Variants in GABRB3 observed in about 807,000 individuals in gnomAD.
GABRB3 encodes the protein gamma-aminobutyric acid type A receptor subunit beta3, also known as gamma-aminobutyric acid receptor subunit beta-3.
In GABRB3, 14 loss-of-function variants were observed where a neutral mutation model predicts 52.1. The ratio of observed to expected loss-of-function variants is 0.27; its 90% confidence interval spans 0.18 to 0.42. The LOEUF is 0.42. Among genes scored for constraint, GABRB3 ranks in the 10% least tolerant of loss-of-function variants. The pLI is 1.00. For missense variants in GABRB3, 307 were observed against 609.1 expected (o/e 0.50, Z 5.22); for synonymous variants, 260 against 232.3 (o/e 1.12, Z -1.08).
At chr15:26,584,323 T>A (rs1417469647) in intron 4 of GABRB3, among the ~76,000 whole-genome samples, 2 of 152,212 alleles carry the variant, frequency 1.3e-5, no homozygotes, top group African/African-American at 4.8e-5. Context: ...AGAGCCTATG[T>A]GTGGGACACC....
In GABRB3 at chr15:26,617,962, TG is replaced by T. The variant is rs1393108172; in HGVS notation, c.461+3351del. 4.0e-5 allele frequency among the ~76,000 whole-genome samples: 6 copies of T among 151,882 alleles called. No individual in the cohort carries two copies. In the East Asian group the frequency reaches 9.7e-4, roughly 24 times the overall value. ...ACCTAGGAATCCAACTTACAAGGGA[TG>T]TGAAGGACCTCTTCAAGGAGAACTA... On this transcript the variant is annotated intron_variant, in intron 4 of 8. Coordinates refer to ENST00000311550, the MANE Select transcript of GABRB3 (RefSeq NM_000814.6).
chr15:26,748,131 G>C (rs1481232356), intron 3 of GABRB3, among the ~76,000 whole-genome samples: 1 of 151,724 alleles, frequency 6.6e-6, no homozygotes, highest in African/African-American at 2.4e-5. Flanking sequence ...CCCATATTTT[G>C]TTCAGAATTT....
chr15:26,682,274 A>G (rs1435227677), intron 3 of GABRB3, among the ~76,000 whole-genome samples: 1 of 152,138 alleles, frequency 6.6e-6, no homozygotes, highest in African/African-American at 2.4e-5. Context: ...TGAGCGCTTC[A>G]ATACCTTCCT....
chr15:26,604,109 C>T (rs12910968), intron 4 of GABRB3, among the ~76,000 whole-genome samples: 47,269 of 151,892 alleles, frequency 0.31, 8,298 homozygotes, highest in East Asian at 0.79. Flanking sequence ...ACAAGTAGCA[C>T]TTCTATATGG....
rs80099756 is a variant in GABRB3, at chr15:26,724,841, C to T, written c.240+47561G>A. 1.9e-3 allele frequency among the ~76,000 whole-genome samples: 288 copies of T among 152,312 alleles called. 1 individual carries two copies. Among genetic ancestry groups the T allele is most frequent in the African/African-American group, 6.4e-3 (268 of 41,564 alleles). On this transcript the variant is annotated intron_variant, in intron 3 of 8. Transcript: ENST00000311550. ...TAAATTCTTGTTCCCTTTGCCCCCC[C>T]TCAAAGTATCTGTTTCCAGCTTCTA...
chr15:26,563,535 A>G (rs1217693765), intron 7 of GABRB3, among the ~76,000 whole-genome samples: 2 of 152,238 alleles, frequency 1.3e-5, no homozygotes, highest in East Asian at 3.8e-4. Flanking sequence ...CCCAAAGCCC[A>G]GCTCTGCCTC....
At chr15:26,723,543 G>A (rs1034483172) in intron 3 of GABRB3, among the ~76,000 whole-genome samples, 16 of 152,190 alleles carry the variant, frequency 1.1e-4, no homozygotes, top group Admixed American at 9.2e-4. Context: ...TCTGCCTGCA[G>A]ACACAGTGTT....
intron 3 of GABRB3, among the ~76,000 whole-genome samples, chr15:26,718,070 C>G (rs1889544189): frequency 6.6e-6 from 1 of 152,206 alleles, no homozygotes; most frequent in African/African-American, 2.4e-5. Context: ...TATGGCAGCA[C>G]TGTTTAGTGT....
In GABRB3 at chr15:26,544,871, G is replaced by T. The variant is rs1050328010; in HGVS notation, c.*2922C>A. The T allele has an allele frequency of 2.6e-5, 4 of 152,554 alleles. No homozygotes were observed. Among genetic ancestry groups the T allele is most frequent in the African/African-American group, 9.7e-5 (4 of 41,420 alleles). 9.5% of individuals were successfully genotyped at this position (152,554 alleles called of 1,614,324 possible). On this transcript the variant is annotated 3_prime_UTR_variant, in exon 9 of 9. Transcript: ENST00000311550. ...TAACGTTTCTGTCCTTACTCAAGAG[G>T]TCTGGGTGTGGGTAACAGCCACCTC... is the stretch of plus-strand genomic sequence containing the variant.
In GABRB3 at chr15:26,587,053, A is replaced by G. The variant is rs111570681; in HGVS notation, c.462-3639T>C. Among the ~76,000 whole-genome samples the G allele has an allele frequency of 6.3e-4, 92 of 146,570 alleles. 3 individuals carry two copies. Among genetic ancestry groups the G allele is most frequent in the African/African-American group, 2.1e-3 (85 of 41,092 alleles). On this transcript the variant is annotated intron_variant, in intron 4 of 8. Transcript: ENST00000311550. Reference sequence around the variant, plus strand: ...AGTAAACTTCAAATGTTCTTGCCACAAAAAAATGTTAATAATTTGAGGTGA... The same window carrying G: ...AGTAAACTTCAAATGTTCTTGCCACGAAAAAATGTTAATAATTTGAGGTGA...
chr15:26,568,733 T>C (rs1426588368), intron 6 of GABRB3, among the ~76,000 whole-genome samples: 1 of 149,908 alleles, frequency 6.7e-6, no homozygotes, highest in Non-Finnish European at 1.5e-5. Context: ...GCCAGACTGG[T>C]CTTGAACTCC....
At chr15:26,664,032 T>C (rs990737048) in intron 3 of GABRB3, among the ~76,000 whole-genome samples, 3 of 152,176 alleles carry the variant, frequency 2.0e-5, no homozygotes, top group Non-Finnish European at 4.4e-5. Context: ...AAAATAGAAA[T>C]GTCTTAAGAA....
chr15:26,666,197 T>C (rs1211943165), intron 3 of GABRB3, among the ~76,000 whole-genome samples: 1 of 152,136 alleles, frequency 6.6e-6, no homozygotes, highest in African/African-American at 2.4e-5. Flanking sequence ...TCAGGGGAAA[T>C]GAATTGTTCA....
chr15:26,764,588 T>C (rs1006376021), intron 3 of GABRB3, among the ~76,000 whole-genome samples: 1 of 152,156 alleles, frequency 6.6e-6, no homozygotes, highest in Non-Finnish European at 1.5e-5. Flanking sequence ...GCAATCTACA[T>C]TTCCAGCTAC....
intron 7 of GABRB3, among the ~76,000 whole-genome samples, chr15:26,566,408 T>C (rs1383183359): frequency 6.6e-6 from 1 of 152,126 alleles, no homozygotes; most frequent in African/African-American, 2.4e-5. Context: ...CGTTATTCAA[T>C]TTAAAGTCCT....
At chr15:26,612,130 T>A (rs1386354154) in intron 4 of GABRB3, 1 of 152,104 alleles carries the variant, frequency 6.6e-6, no homozygotes, top group African/African-American at 2.4e-5. Flanking sequence ...AATAGTTACA[T>A]TAAACTAAAA....
chr15:26,693,705 G>C (rs968551), intron 3 of GABRB3, among the ~76,000 whole-genome samples: 85,207 of 152,114 alleles, frequency 0.56, 25,111 homozygotes, highest in East Asian at 0.81. Flanking sequence ...GAGAGAGAGA[G>C]AGATAGATAC....
chr15:26,604,064 C>A (rs754875456), intron 4 of GABRB3, among the ~76,000 whole-genome samples: 6 of 152,046 alleles, frequency 3.9e-5, no homozygotes, highest in Non-Finnish European at 7.4e-5. Context: ...CTGCTAAATT[C>A]AGTAAAGTTG....
intron 3 of GABRB3, among the ~76,000 whole-genome samples, chr15:26,656,455 A>G (rs1017673054): frequency 3.9e-5 from 6 of 152,230 alleles, no homozygotes; most frequent in Non-Finnish European, 4.4e-5. Flanking sequence ...CACATGGCTA[A>G]CATTTGTTCA....
Sources: gnomAD v4.1 joint callset for allele counts (sites outside exome capture counted in the v4.1 genomes callset) on GRCh38, gnomAD v4.1.1 for gene constraint, MANE v1.5 for transcripts, NCBI Gene and HGNC (gene_info 2026-07-23, HGNC 2026-07-21) for gene names.